Variants in VAV2 observed in about 807,000 individuals in gnomAD.
VAV2 encodes vav guanine nucleotide exchange factor 2.
A neutral mutation model predicts 132.5 loss-of-function variants in VAV2; 67 were observed. That is an observed-to-expected ratio of 0.51 (90% confidence interval 0.42 to 0.62). The LOEUF (loss-of-function observed/expected upper bound fraction) is 0.62, where lower values mean the gene tolerates loss of function less well. Among genes scored for constraint, VAV2 ranks in the 20% least tolerant of loss-of-function variants. VAV2 has a pLI of 0.00. For synonymous variants in VAV2, 492 were observed against 443.5 expected (o/e 1.11, Z -1.37); for missense variants, 938 against 1,153.6 (o/e 0.81, Z 2.71).
intron 2 of VAV2, among the ~76,000 whole-genome samples, chr9:133,932,596 C>A (rs1260295861): frequency 2.0e-5 from 3 of 152,200 alleles, no homozygotes; most frequent in Non-Finnish European, 4.4e-5. Context: ...TTCACCGAGT[C>A]CTTTACAGCA....
intron 2 of VAV2, among the ~76,000 whole-genome samples, chr9:133,906,864 G>C (rs1031182263): frequency 2.6e-5 from 4 of 152,250 alleles, no homozygotes; most frequent in African/African-American, 7.2e-5. Flanking sequence ...GGCCACTCAA[G>C]TCACTGCAGC....
At position 133,942,351 on chromosome 9, in the gene VAV2, C is replaced by A. The variant is rs545630187; in HGVS notation, c.205-3132G>T. Among the ~76,000 whole-genome samples the A allele has an allele frequency of 3.9e-5, 6 of 152,338 alleles. No homozygotes were observed. The South Asian group carries it at 1.2e-3, about 32-fold the overall frequency. On this transcript the variant is annotated intron_variant, in intron 1 of 29. Transcript: ENST00000371850. ...TCTCCTCCGTGGCCCCACGAAGGAG[C>A]TGTTGCTGCCACACACAATTGATTC...
intron 3 of VAV2, among the ~76,000 whole-genome samples, chr9:133,848,304 A>AAAAAAAAAAAAAAAAAAAAAAT (rs1837028166): frequency 6.8e-6 from 1 of 147,660 alleles, no homozygotes; most frequent in African/African-American, 2.6e-5. Context: ...AAAAAAAAAA[A>AAAAAAAAAAAAAAAAAAAAAAT]TCCAAAGCAA....
chr9:133,842,608 A>G (rs10993820), intron 3 of VAV2, among the ~76,000 whole-genome samples: 27,123 of 151,914 alleles, frequency 0.18, 2,516 homozygotes, highest in African/African-American at 0.21. Flanking sequence ...TGGTGCTGAC[A>G]CTATCGGGGG....
chr9:133,795,859 C>A, intron 11 of VAV2, 123 bp from the exon 12 acceptor site: 3 of 1,060,698 alleles, frequency 2.8e-6, no homozygotes, highest in South Asian at 3.1e-5. Context: ...CCCCCACCCG[C>A]CAGCCAGGCT....
At chr9:133,846,240 G>A (rs901536443) in intron 3 of VAV2, among the ~76,000 whole-genome samples, 7 of 152,116 alleles carry the variant, frequency 4.6e-5, no homozygotes, top group East Asian at 1.9e-4. Flanking sequence ...GCCATGCCTC[G>A]GAGAGCAGCC....
intron 3 of VAV2, among the ~76,000 whole-genome samples, chr9:133,845,543 C>G (rs922859690): frequency 5.3e-5 from 8 of 152,166 alleles, no homozygotes; most frequent in South Asian, 2.1e-4. Flanking sequence ...CCTCTTCCCC[C>G]TCCCTGCACT....
chr9:133,924,115 T>G (rs887679737), intron 2 of VAV2, among the ~76,000 whole-genome samples: 1 of 152,142 alleles, frequency 6.6e-6, no homozygotes, highest in Non-Finnish European at 1.5e-5. Context: ...ATTGTGCACA[T>G]GTACCCTAAA....
chr9:133,908,708 C>T (rs552207494), intron 2 of VAV2, among the ~76,000 whole-genome samples: 5 of 152,356 alleles, frequency 3.3e-5, no homozygotes, highest in East Asian at 3.9e-4. Context: ...CTATGGGAAC[C>T]GCTGGGAGGG....
intron 9 of VAV2, among the ~76,000 whole-genome samples, chr9:133,800,125 C>T (rs2131644941): frequency 6.6e-6 from 1 of 152,360 alleles, no homozygotes; most frequent in East Asian, 1.9e-4. Context: ...TCACCGACCC[C>T]AAAGCCCAGT....
intron 3 of VAV2, among the ~76,000 whole-genome samples, chr9:133,847,216 AG>A (rs560814330): frequency 5.0e-4 from 76 of 152,348 alleles, no homozygotes; most frequent in African/African-American, 1.8e-3. Context: ...AGCGACGTGC[AG>A]GGTTCCCATC....
chr9:133,846,031 C>T (rs1472358065), intron 3 of VAV2, among the ~76,000 whole-genome samples: 2 of 152,236 alleles, frequency 1.3e-5, no homozygotes, highest in Non-Finnish European at 2.9e-5. Context: ...CCAATCTTTC[C>T]TCTACATTCA....
At chr9:133,806,819 T>C (rs2428088) in intron 8 of VAV2, among the ~76,000 whole-genome samples, 65,128 of 152,194 alleles carry the variant, frequency 0.43, 15,460 homozygotes, top group African/African-American at 0.65. Flanking sequence ...CATGCACGGC[T>C]GCCGGAGCCT....
At chr9:133,907,438 C>T (rs1281127490) in intron 2 of VAV2, among the ~76,000 whole-genome samples, 1 of 152,236 alleles carries the variant, frequency 6.6e-6, no homozygotes, top group East Asian at 1.9e-4. Context: ...AGGAACCTCA[C>T]AGCCACGCCC....
intron 12 of VAV2, 36 bp downstream of exon 12, chr9:133,795,632 C>T (rs765118175): frequency 4.6e-5 from 74 of 1,610,670 alleles, no homozygotes; most frequent in Admixed American, 1.8e-4. Flanking sequence ...CTAAGCCAGA[C>T]GGTGGCTTCT....
In VAV2 at chr9:133,908,989, G is replaced by A. The variant is rs117676212; in HGVS notation, c.321+30114C>T. ...TCCACTAAAAGGGGCAGGGACCCACGAGGAATGATTGGGAATGAACCTGAT... is the reference window on the plus strand; with the variant it reads ...TCCACTAAAAGGGGCAGGGACCCACAAGGAATGATTGGGAATGAACCTGAT... On this transcript the variant is annotated intron_variant, in intron 2 of 29. Transcript: ENST00000371850. Among the ~76,000 whole-genome samples, 91 of 152,366 alleles carry A rather than the reference G, an allele frequency of 6.0e-4. 1 individual carries two copies. In the Middle Eastern group the frequency reaches 0.014, roughly 23 times the overall value.
chr9:133,908,976 G>C (rs909088313), intron 2 of VAV2, among the ~76,000 whole-genome samples: 1 of 152,236 alleles, frequency 6.6e-6, no homozygotes, highest in Admixed American at 6.5e-5. Flanking sequence ...CACTAAAAGG[G>C]GCAGGGACCC....
chr9:133,983,415 C>T (rs1251972672), intron 1 of VAV2, among the ~76,000 whole-genome samples: 1 of 152,172 alleles, frequency 6.6e-6, no homozygotes, highest in Non-Finnish European at 1.5e-5. Flanking sequence ...AACAGAGGCA[C>T]AGGGGGTGGG....
At chr9:133,870,067 A>G (rs1449508164) in intron 2 of VAV2, among the ~76,000 whole-genome samples, 2 of 152,108 alleles carry the variant, frequency 1.3e-5, no homozygotes, top group African/African-American at 2.4e-5. Context: ...TGCCTTCAGA[A>G]TGACAAGCGA....
Sources: gnomAD v4.1 joint callset for allele counts (sites outside exome capture counted in the v4.1 genomes callset) on GRCh38, gnomAD v4.1.1 for gene constraint, MANE v1.5 for transcripts, NCBI Gene and HGNC (gene_info 2026-07-23, HGNC 2026-07-21) for gene names.